Variants in FAM163A observed in about 807,000 individuals in gnomAD.
FAM163A encodes the protein protein FAM163A.
A neutral mutation model predicts 12.0 loss-of-function variants in FAM163A; 7 were observed. The observed-to-expected ratio is 0.58, with a 90% CI of 0.33 to 1.10. The LOEUF (loss-of-function observed/expected upper bound fraction) is 1.10. FAM163A is among the 50% of genes least tolerant of loss of function. The pLI, the probability that FAM163A is intolerant of heterozygous loss-of-function variation, is 0.03. For synonymous variants in FAM163A, 101 were observed against 91.0 expected, an observed-to-expected ratio of 1.11 and a Z score of -0.62; for missense variants, 202 against 218.6, an observed-to-expected ratio of 0.92 and a Z score of 0.48.
At chr1:179,754,598 A>G (rs1685738378) in intron 1 of FAM163A, among the ~76,000 whole-genome samples, 1 of 152,150 alleles carries the variant, frequency 6.6e-6, no homozygotes, top group Admixed American at 6.5e-5. Flanking sequence ...CTTTACAGAG[A>G]AGCAGGAAAA....
At chr1:179,749,029 C>T (rs1684894648) in intron 1 of FAM163A, among the ~76,000 whole-genome samples, 1 of 152,168 alleles carries the variant, frequency 6.6e-6, no homozygotes, top group Admixed American at 6.5e-5. Context: ...ATCAACATTT[C>T]TGTTGTATTT....
chr1:179,812,492 G>T (rs537335666), intron 3 of FAM163A, among the ~76,000 whole-genome samples: 2 of 152,168 alleles, frequency 1.3e-5, no homozygotes, highest in African/African-American at 2.4e-5. Context: ...TGGTGTTTTC[G>T]AGATGTGGCC....
At chr1:179,794,095 G>C (rs1691915821) in intron 1 of FAM163A, among the ~76,000 whole-genome samples, 1 of 152,218 alleles carries the variant, frequency 6.6e-6, no homozygotes, top group African/African-American at 2.4e-5. Flanking sequence ...GCACAGGGCA[G>C]CGGCTGCCCT....
intron 1 of FAM163A, among the ~76,000 whole-genome samples, chr1:179,775,169 A>G (rs999535087): frequency 1.3e-5 from 2 of 152,132 alleles, no homozygotes; most frequent in African/African-American, 4.8e-5. Context: ...ACCTCATGTA[A>G]ATGAAGTGGT....
At chr1:179,785,586 A>G (rs1030431737) in intron 1 of FAM163A, among the ~76,000 whole-genome samples, 1 of 152,134 alleles carries the variant, frequency 6.6e-6, no homozygotes, top group Non-Finnish European at 1.5e-5. Context: ...TCTCTTCACA[A>G]TGTATAAGTG....
At chr1:179,794,886 G>A (rs1456981323) in intron 1 of FAM163A, among the ~76,000 whole-genome samples, 1 of 152,096 alleles carries the variant, frequency 6.6e-6, no homozygotes, top group Admixed American at 6.5e-5. Context: ...AAGGAAATGG[G>A]AATTCAAAGA....
chr1:179,804,839 A>C (rs1693696328), intron 1 of FAM163A, among the ~76,000 whole-genome samples: 4 of 152,186 alleles, frequency 2.6e-5, no homozygotes, highest in Non-Finnish European at 5.9e-5. Context: ...GGACAGAAAA[A>C]AATAACTATT....
At chr1:179,779,322 A>G (rs1689406574) in intron 1 of FAM163A, among the ~76,000 whole-genome samples, 1 of 152,188 alleles carries the variant, frequency 6.6e-6, no homozygotes, top group African/African-American at 2.4e-5. Flanking sequence ...GGCTTAGACC[A>G]GGGCTCAGGG....
intron 1 of FAM163A, among the ~76,000 whole-genome samples, chr1:179,805,736 T>C (rs964438052): frequency 3.3e-5 from 5 of 152,176 alleles, no homozygotes; most frequent in African/African-American, 1.2e-4. Flanking sequence ...AGCTGCTGTT[T>C]TACCACTGGC....
chr1:179,791,369 C>T (rs1167493756), intron 1 of FAM163A, among the ~76,000 whole-genome samples: 2 of 152,180 alleles, frequency 1.3e-5, no homozygotes, highest in African/African-American at 2.4e-5. Flanking sequence ...AGCTGCTTCC[C>T]GGGCCCATGC....
chr1:179,789,391 A>G (rs560748330), intron 1 of FAM163A, among the ~76,000 whole-genome samples: 56 of 152,346 alleles, frequency 3.7e-4, no homozygotes, highest in South Asian at 2.1e-4. Flanking sequence ...CTTGTTGGCC[A>G]GGTTGGTCTT....
chr1:179,792,425 A>G (rs1691654179), intron 1 of FAM163A, among the ~76,000 whole-genome samples: 1 of 152,110 alleles, frequency 6.6e-6, no homozygotes, highest in African/African-American at 2.4e-5. Flanking sequence ...GATTATAGGC[A>G]TGAACCACTG....
At chr1:179,741,144 GA>G (rs1226053700), upstream of FAM163A, among the ~76,000 whole-genome samples, 7 of 152,294 alleles carry the variant, frequency 4.6e-5, no homozygotes, top group African/African-American at 7.2e-5. Flanking sequence ...CAGGCACTCA[GA>G]AAACAGAAAA....
chr1:179,807,453 C>G (rs1373807677), intron 1 of FAM163A, among the ~76,000 whole-genome samples: 1 of 152,214 alleles, frequency 6.6e-6, no homozygotes, highest in Admixed American at 6.5e-5. Flanking sequence ...AGATCCAGAT[C>G]CTCCAGTGGA....
At chr1:179,783,770 TTA>T (rs540238314) in intron 1 of FAM163A, among the ~76,000 whole-genome samples, 44 of 144,814 alleles carry the variant, frequency 3.0e-4, no homozygotes, top group Middle Eastern at 3.6e-3. Context: ...ATATAATTTA[TTA>T]TATATATATT....
chr1:179,799,882 A>G (rs551094488), intron 1 of FAM163A, among the ~76,000 whole-genome samples: 1 of 152,332 alleles, frequency 6.6e-6, no homozygotes, highest in East Asian at 1.9e-4. Flanking sequence ...TATGGACTAT[A>G]GGCAAAACTG....
chr1:179,770,779 T>C (rs28395226), intron 1 of FAM163A, among the ~76,000 whole-genome samples: 2 of 150,298 alleles, frequency 1.3e-5, no homozygotes, highest in African/African-American at 4.9e-5. Context: ...GTCAGGTTGG[T>C]GTTCCTTCTC....
chr1:179,745,258 C>T (rs1258438646), intron 1 of FAM163A, among the ~76,000 whole-genome samples: 1 of 152,166 alleles, frequency 6.6e-6, no homozygotes, highest in Non-Finnish European at 1.5e-5. Context: ...CCTCATCAGG[C>T]ATACTGTTCT....
chr1:179,800,116 G>A (rs1349833563), intron 1 of FAM163A, among the ~76,000 whole-genome samples: 5 of 152,210 alleles, frequency 3.3e-5, no homozygotes, highest in African/African-American at 1.2e-4. Context: ...AGATTCACTG[G>A]TGAGTAAGGC....
Sources: allele counts gnomAD v4.1 joint callset (sites outside exome capture counted in the v4.1 genomes callset), GRCh38; gene constraint gnomAD v4.1.1; transcripts MANE v1.5; gene names NCBI Gene and HGNC (gene_info 2026-07-23, HGNC 2026-07-21).